ARAP2: variants seen among roughly 807,000 people sequenced by gnomAD.
The protein encoded by ARAP2 is ArfGAP with RhoGAP domain, ankyrin repeat and PH domain 2.
A neutral mutation model predicts 194.5 loss-of-function variants in ARAP2; 148 were observed. The observed-to-expected ratio is 0.76, with a 90% CI of 0.67 to 0.87. ARAP2 has a LOEUF of 0.87. ARAP2 is among the 40% of genes least tolerant of loss of function. The pLI, the probability that ARAP2 is intolerant of heterozygous loss-of-function variation, is 0.00. For synonymous variants in ARAP2, 695 were observed against 683.5 expected (o/e 1.02, Z -0.26); for missense variants, 2,128 against 1,989.7 (o/e 1.07, Z -1.32).
intron 2 of ARAP2, among the ~76,000 whole-genome samples, chr4:36,216,078 T>G (rs1747871772): frequency 1.4e-5 from 2 of 144,418 alleles, no homozygotes; most frequent in African/African-American, 5.2e-5. Flanking sequence ...AAACCCCATC[T>G]CTACAAAAAA....
intron 1 of ARAP2, among the ~76,000 whole-genome samples, chr4:36,238,196 C>A (rs1014042310): frequency 2.6e-5 from 4 of 152,196 alleles, no homozygotes; most frequent in Non-Finnish European, 4.4e-5. Context: ...CAGGCTCTGA[C>A]CTCCTCTGTA....
At chr4:36,232,995 C>T (rs543687600) in intron 1 of ARAP2, among the ~76,000 whole-genome samples, 3 of 152,218 alleles carry the variant, frequency 2.0e-5, no homozygotes, top group South Asian at 2.1e-4. Flanking sequence ...TACCCAAAAC[C>T]ATCTCTATCA....
intron 5 of ARAP2, among the ~76,000 whole-genome samples, chr4:36,041,574 T>A (rs762848159): frequency 4.6e-5 from 7 of 152,162 alleles, no homozygotes; most frequent in Non-Finnish European, 8.8e-5. Context: ...CTTTATACAC[T>A]GTTAGGGGAG....
intron 19 of ARAP2, among the ~76,000 whole-genome samples, chr4:36,137,809 G>A (rs1025907269): frequency 2.6e-5 from 4 of 151,640 alleles, no homozygotes; most frequent in Non-Finnish European, 4.4e-5. Context: ...TCTGGTCCTC[G>A]AGTCCAAAAA....
chr4:36,188,832 C>T (rs923197686), intron 7 of ARAP2, among the ~76,000 whole-genome samples: 2 of 152,160 alleles, frequency 1.3e-5, no homozygotes, highest in Non-Finnish European at 2.9e-5. Context: ...AAATTCCTGC[C>T]TTAGCAATTG....
intron 19 of ARAP2, among the ~76,000 whole-genome samples, chr4:36,140,451 CTT>C (rs758956937): frequency 1.3e-5 from 2 of 151,646 alleles, no homozygotes; most frequent in Non-Finnish European, 3.0e-5. Context: ...AAGAGAATCT[CTT>C]GTTTGCCTTG....
chr4:36,030,797 G>GTTTTTTTTTTTTTTTTTTTTTTTTT, intron 5 of ARAP2, among the ~76,000 whole-genome samples: 1 of 16,082 alleles, frequency 6.2e-5, no homozygotes, highest in South Asian at 4.0e-3. Flanking sequence ...CATTGTCTAC[G>GTTTTTTTTTTTTTTTTTTTTTTTTT]TTTTTTTTTT....
chr4:36,201,936 A>G (rs1744450257), intron 6 of ARAP2, among the ~76,000 whole-genome samples: 1 of 152,202 alleles, frequency 6.6e-6, no homozygotes, highest in East Asian at 1.9e-4. Context: ...TGGAAAGAAC[A>G]TCAAAGACAT....
intron 19 of ARAP2, 48 bp downstream of exon 19, chr4:36,147,248 C>T (rs753437205): frequency 6.5e-7 from 1 of 1,529,752 alleles, no homozygotes; most frequent in South Asian, 1.2e-5. Flanking sequence ...CAAAATCCCG[C>T]TGCCCAGAGT....
In ARAP2 at chr4:36,031,065, G is replaced by A. The variant is rs189220921; in HGVS notation, n.608-11779C>T. Among the ~76,000 whole-genome samples, 131 of 152,294 alleles carry A rather than the reference G, an allele frequency of 8.6e-4. 1 individual carries two copies. Among genetic ancestry groups the A allele is most frequent in the African/African-American group, 2.8e-3 (117 of 41,558 alleles). ...GAATCCCTTGAACCTGGGAGGTGGA[G>A]GTTGCAGTGAGCCAAGATCGTGCCA... On this transcript the variant is annotated intron_variant and non_coding_transcript_variant, in intron 5 of 12. Transcript: ENST00000503225.
chr4:36,148,643 T>C (rs1730221199), intron 16 of ARAP2, 136 bp from the exon 17 acceptor site: 1 of 660,292 alleles, frequency 1.5e-6, no homozygotes, highest in Non-Finnish European at 2.5e-6. Context: ...TTAGATTCTG[T>C]TAATGGTTTG....
intron 6 of ARAP2, among the ~76,000 whole-genome samples, chr4:36,195,786 T>C (rs1742944011): frequency 6.6e-6 from 1 of 152,234 alleles, no homozygotes; most frequent in Non-Finnish European, 1.5e-5. Context: ...CAATACCCTC[T>C]ACTTTTCCTC....
At chr4:36,112,231 T>C (rs1720176234) in intron 26 of ARAP2, among the ~76,000 whole-genome samples, 1 of 151,896 alleles carries the variant, frequency 6.6e-6, no homozygotes, top group Non-Finnish European at 1.5e-5. Flanking sequence ...TAGTCAAAAA[T>C]ATAAAGCCTG....
In ARAP2 at chr4:36,160,534, A is replaced by G; in HGVS notation, c.2367T>C (p.Phe789=). 2 of 1,573,726 alleles carry G rather than the reference A, an allele frequency of 1.3e-6. No homozygotes were observed. Among genetic ancestry groups the G allele is most frequent in the African/African-American group, 1.4e-5 (1 of 72,148 alleles). ...TTCCTTCTTTATATTTCTGAGTAAT[A>G]AAGTTTTTTCTCTTTTCTACTGGTG... ...MDSPVEKRKN[F]ITQKYKEGKF... The change falls in exon 13 of 33, where the codon TTT becomes TTC. Residue 789 remains phenylalanine, a synonymous_variant. Coordinates refer to ENST00000303965, the MANE Select transcript of ARAP2 (RefSeq NM_015230.4).
At chr4:36,209,558 A>G (rs1746288175) in intron 6 of ARAP2, 1 of 326,128 alleles carries the variant, frequency 3.1e-6, no homozygotes, top group African/African-American at 2.2e-5. Flanking sequence ...TCCAATTAAA[A>G]TTATTTTAGA....
intron 2 of ARAP2, among the ~76,000 whole-genome samples, chr4:36,054,532 A>C (rs1723185467): frequency 6.6e-6 from 1 of 152,198 alleles, no homozygotes; most frequent in Admixed American, 6.5e-5. Flanking sequence ...TCCAAAATCA[A>C]GCTGGAAAAT....
chr4:36,062,664 A>G (rs201170921), downstream of ARAP2, among the ~76,000 whole-genome samples: 123 of 122,654 alleles, frequency 1.0e-3, no homozygotes, highest in African/African-American at 3.3e-3. Context: ...GTGTGTGTGT[A>G]TAAAACAGTT....
intron 5 of ARAP2, among the ~76,000 whole-genome samples, chr4:36,038,565 T>C (rs1720321244): frequency 1.3e-5 from 2 of 152,346 alleles, no homozygotes; most frequent in Middle Eastern, 3.4e-3. Context: ...ACAGAGTTCC[T>C]CAACAGAGCT....
intron 15 of ARAP2, 112 bp from the exon 16 acceptor site, chr4:36,151,156 T>C (rs1008453039): frequency 4.5e-5 from 43 of 951,188 alleles, no homozygotes; most frequent in Non-Finnish European, 5.9e-5. Context: ...AATTTATTAA[T>C]TTCCTATTTC....
Sources: allele counts gnomAD v4.1 joint callset (sites outside exome capture counted in the v4.1 genomes callset), GRCh38; gene constraint gnomAD v4.1.1; transcripts MANE v1.5; gene names NCBI Gene and HGNC (gene_info 2026-07-23, HGNC 2026-07-21).